Variants in GRIP1 observed in about 807,000 individuals in gnomAD.
The protein encoded by GRIP1 is glutamate receptor-interacting protein 1.
GRIP1 carries 45 observed loss-of-function variants against 129.9 expected under a neutral mutation model. The ratio of observed to expected loss-of-function variants is 0.35; its 90% CI spans 0.27 to 0.44. The LOEUF (loss-of-function observed/expected upper bound fraction) is 0.44, where lower values mean the gene tolerates loss of function less well. GRIP1 is among the 20% of genes least tolerant of loss of function. The pLI is 1.00. For missense variants in GRIP1, 1,196 were observed against 1,396.8 expected, an observed-to-expected ratio of 0.86 and a Z score of 2.29; for synonymous variants, 530 against 520.8, an observed-to-expected ratio of 1.02 and a Z score of -0.24.
At chr12:66,965,723 C>T (rs2041988680) in intron 1 of GRIP1, among the ~76,000 whole-genome samples, 1 of 152,004 alleles carries the variant, frequency 6.6e-6, no homozygotes, top group African/African-American at 2.4e-5. Context: ...ATTATGGATG[C>T]CCTTTACACA....
intron 13 of GRIP1, among the ~76,000 whole-genome samples, chr12:66,436,974 C>CAAA (rs71069003): frequency 3.5e-5 from 4 of 113,554 alleles, no homozygotes; most frequent in African/African-American, 1.0e-4. Flanking sequence ...ACTCTGTCTC[C>CAAA]AAAAAAAAAA....
intron 13 of GRIP1, among the ~76,000 whole-genome samples, chr12:66,438,069 A>C (rs1290955897): frequency 6.6e-6 from 1 of 152,244 alleles, no homozygotes; most frequent in African/African-American, 2.4e-5. Context: ...ATTAACCATT[A>C]ATGTTGTGTT....
At chr12:66,844,540 A>G (rs1265739684) in intron 1 of GRIP1, among the ~76,000 whole-genome samples, 1 of 152,212 alleles carries the variant, frequency 6.6e-6, no homozygotes, top group Non-Finnish European at 1.5e-5. Flanking sequence ...GCCACTATGG[A>G]AAACAATATG....
In GRIP1 at chr12:66,493,070, G is replaced by A. The variant is rs58520471; in HGVS notation, c.724+22549C>T. 7.6e-3 allele frequency among the ~76,000 whole-genome samples: 1,155 copies of A among 152,120 alleles called. 18 individuals carry two copies. The highest frequency in any genetic ancestry group is 0.027 in the African/African-American group (1,108 of 41,508). ...GGTGGGTGAATACTTTCAAATTACT[G>A]TTTAATATGCCTTACATTTTTATAG... On this transcript the variant is annotated intron_variant, in intron 7 of 24. Coordinates refer to ENST00000359742, the MANE Select transcript of GRIP1 (RefSeq NM_001366722.1).
At chr12:66,721,358 T>C (rs2036052148) in intron 1 of GRIP1, among the ~76,000 whole-genome samples, 1 of 152,070 alleles carries the variant, frequency 6.6e-6, no homozygotes, top group Non-Finnish European at 1.5e-5. Flanking sequence ...CACTGCAACC[T>C]CCACCTCCCA....
intron 1 of GRIP1, among the ~76,000 whole-genome samples, chr12:66,931,635 G>A (rs1350284094): frequency 1.3e-5 from 2 of 152,178 alleles, no homozygotes; most frequent in African/African-American, 2.4e-5. Context: ...AGAAAATAGT[G>A]AAAGCAACCA....
intron 1 of GRIP1, among the ~76,000 whole-genome samples, chr12:66,952,017 G>T (rs528575610): frequency 6.6e-5 from 10 of 152,286 alleles, no homozygotes; most frequent in African/African-American, 1.9e-4. Context: ...ATAGCATATT[G>T]CAGGAAATTG....
At chr12:66,987,332 T>C (rs1171677242) in intron 1 of GRIP1, among the ~76,000 whole-genome samples, 1 of 152,208 alleles carries the variant, frequency 6.6e-6, no homozygotes, top group African/African-American at 2.4e-5. Context: ...CCAATGATAC[T>C]GATAGATGGC....
chr12:66,872,625 G>C (rs2040315281), intron 1 of GRIP1, among the ~76,000 whole-genome samples: 1 of 151,894 alleles, frequency 6.6e-6, no homozygotes. Context: ...AAAAACATCT[G>C]GTGCTTCAAA....
At chr12:66,355,769 T>C (rs1299625060) in intron 23 of GRIP1, among the ~76,000 whole-genome samples, 1 of 152,100 alleles carries the variant, frequency 6.6e-6, no homozygotes, top group African/African-American at 2.4e-5. Context: ...TTTTTGCTCA[T>C]GGATATATCT....
chr12:66,495,236 C>G (rs1313407239), intron 7 of GRIP1, among the ~76,000 whole-genome samples: 1 of 152,078 alleles, frequency 6.6e-6, no homozygotes, highest in Non-Finnish European at 1.5e-5. Context: ...TCATATGTCC[C>G]CAGAACTTTT....
chr12:66,358,640 G>C (rs1403920112), intron 23 of GRIP1, among the ~76,000 whole-genome samples: 2 of 152,000 alleles, frequency 1.3e-5, no homozygotes, highest in Non-Finnish European at 2.9e-5. Flanking sequence ...GCAGAGACAG[G>C]GTTTCGCCAT....
At chr12:66,886,985 T>C (rs1792291422) in intron 1 of GRIP1, among the ~76,000 whole-genome samples, 1 of 152,188 alleles carries the variant, frequency 6.6e-6, no homozygotes, top group African/African-American at 2.4e-5. Context: ...CCATGTGCCC[T>C]TTTCACTCTA....
intron 1 of GRIP1, among the ~76,000 whole-genome samples, chr12:66,640,246 C>A (rs1013287567): frequency 6.6e-6 from 1 of 152,172 alleles, no homozygotes; most frequent in African/African-American, 2.4e-5. Context: ...AGACAGAGAT[C>A]ATAGTTATTC....
At chr12:66,715,471 T>TGTGTGTGTGTGTGTGTGTGTGTGTGAGA (rs761155485) in intron 1 of GRIP1, among the ~76,000 whole-genome samples, 1,177 of 109,726 alleles carry the variant, frequency 0.011, 13 homozygotes, top group Non-Finnish European at 0.015. Context: ...TGTGTGTGTG[T>TGTGTGTGTGTGTGTGTGTGTGTGTGAGA]GAGAGAGAGA....
chr12:66,512,076 T>A (rs1381680153), intron 7 of GRIP1, among the ~76,000 whole-genome samples: 1 of 152,060 alleles, frequency 6.6e-6, no homozygotes. Flanking sequence ...AGATGTGCCT[T>A]GCTTCTCCAT....
chr12:66,912,563 T>C (rs1317031686), intron 1 of GRIP1, among the ~76,000 whole-genome samples: 1 of 152,162 alleles, frequency 6.6e-6, no homozygotes, highest in Non-Finnish European at 1.5e-5. Flanking sequence ...ACAAATATTT[T>C]ATTACTATAT....
intron 1 of GRIP1, among the ~76,000 whole-genome samples, chr12:66,628,166 C>T (rs2030313301): frequency 6.6e-6 from 1 of 152,196 alleles, no homozygotes; most frequent in Admixed American, 6.5e-5. Flanking sequence ...GTCATCTCTT[C>T]AGAGCAGGCT....
At chr12:66,515,893 C>T in intron 6 of GRIP1, 129 bp from the exon 7 acceptor site, 1 of 761,480 alleles carries the variant, frequency 1.3e-6, no homozygotes, top group South Asian at 1.4e-5. Flanking sequence ...TCTTTTTAAG[C>T]ATCAAATGTG....
Sources: allele counts gnomAD v4.1 joint callset (sites outside exome capture counted in the v4.1 genomes callset), GRCh38; gene constraint gnomAD v4.1.1; transcripts MANE v1.5; gene names NCBI Gene and HGNC (gene_info 2026-07-23, HGNC 2026-07-21).